Variants in BLTP3B observed in about 807,000 individuals in gnomAD.
BLTP3B encodes bridge-like lipid transfer protein family member 3B, also known as UHRF1 (ICBP90) binding protein 1-like.
chr12:100,059,286 T>G, the BLTP3B span: 1 of 1,614,048 alleles, frequency 6.2e-7, no homozygotes. Context: ...TTTGGTATCT[T>G]GTTCATGAGC....
the BLTP3B span, chr12:100,084,538 T>C: frequency 6.2e-7 from 1 of 1,614,030 alleles, no homozygotes; most frequent in Non-Finnish European, 8.5e-7. Flanking sequence ...TACATTATGA[T>C]CCTTCACAGC....
the BLTP3B span, chr12:100,047,628 G>A: frequency 1.2e-6 from 2 of 1,607,426 alleles, no homozygotes; most frequent in South Asian, 2.2e-5. Flanking sequence ...ACTACTCCGG[G>A]GACTATCATC....
At chr12:100,095,621 A>G in the BLTP3B span, 13 of 1,567,814 alleles carry the variant, frequency 8.3e-6, no homozygotes, top group Non-Finnish European at 1.1e-5. Flanking sequence ...TTTTTAAACT[A>G]TTTTCATGTA....
At chr12:100,113,002 C>T in the BLTP3B span, among the ~76,000 whole-genome samples, 1 of 151,996 alleles carries the variant, frequency 6.6e-6, no homozygotes, top group South Asian at 2.1e-4. Context: ...AAAACCCCAT[C>T]TCTACAAAAA....
the BLTP3B span, among the ~76,000 whole-genome samples, chr12:100,123,179 T>C: frequency 6.9e-6 from 1 of 145,672 alleles, no homozygotes; most frequent in Non-Finnish European, 1.5e-5. Flanking sequence ...ATTAAAGGTA[T>C]TGTACATTCA....
the BLTP3B span, among the ~76,000 whole-genome samples, chr12:100,123,166 G>C: frequency 5.9e-5 from 9 of 152,048 alleles, no homozygotes; most frequent in African/African-American, 2.4e-5. Flanking sequence ...GAGTGTCTGA[G>C]AGATTAAAGG....
At chr12:100,073,245 T>A in the BLTP3B span, among the ~76,000 whole-genome samples, 21 of 152,104 alleles carry the variant, frequency 1.4e-4, no homozygotes, top group African/African-American at 4.8e-4. Flanking sequence ...GTAACAGAGC[T>A]ATATACAGTT....
chr12:100,078,673 G>T, the BLTP3B span, among the ~76,000 whole-genome samples: 1 of 152,108 alleles, frequency 6.6e-6, no homozygotes, highest in Non-Finnish European at 1.5e-5. Flanking sequence ...CATCTATATA[G>T]GGTTCCACAT....
chr12:100,108,372 T>C, the BLTP3B span: 3 of 1,605,230 alleles, frequency 1.9e-6, no homozygotes, highest in Non-Finnish European at 1.7e-6. Context: ...AAGCCACAGA[T>C]ATCAAAGTCT....
the BLTP3B span, among the ~76,000 whole-genome samples, chr12:100,081,978 A>G: frequency 6.6e-6 from 1 of 152,198 alleles, no homozygotes; most frequent in Non-Finnish European, 1.5e-5. Flanking sequence ...ATTCTTTGAG[A>G]AAACTCCAAA....
the BLTP3B span, chr12:100,059,068 A>C: frequency 6.2e-7 from 1 of 1,613,914 alleles, no homozygotes; most frequent in Non-Finnish European, 8.5e-7. Context: ...TCTTTTTGTG[A>C]CTCTGCATAT....
the BLTP3B span, among the ~76,000 whole-genome samples, chr12:100,130,106 C>T: frequency 4.6e-5 from 7 of 152,238 alleles, no homozygotes; most frequent in African/African-American, 1.4e-4. Flanking sequence ...TACAGGCATG[C>T]GCCACTACAC....
the BLTP3B span, among the ~76,000 whole-genome samples, chr12:100,088,205 T>C: frequency 4.6e-5 from 7 of 152,134 alleles, no homozygotes; most frequent in Non-Finnish European, 1.0e-4. Context: ...TGTTTAAAGG[T>C]CTTCAGCCTG....
At chr12:100,093,014 TA>T in the BLTP3B span, 1 of 962,278 alleles carries the variant, frequency 1.0e-6, no homozygotes, top group African/African-American at 1.8e-5. Context: ...TCAACTTACT[TA>T]AAAACTTCCA....
At chr12:100,072,264 A>G in the BLTP3B span, among the ~76,000 whole-genome samples, 1 of 152,172 alleles carries the variant, frequency 6.6e-6, no homozygotes, top group African/African-American at 2.4e-5. Flanking sequence ...TCTGCCTTGA[A>G]AAAAAAACAA....
At chr12:100,059,336 A>G in the BLTP3B span, 1 of 1,614,090 alleles carries the variant, frequency 6.2e-7, no homozygotes, top group South Asian at 1.1e-5. Flanking sequence ...TAAAATTGTC[A>G]CAAGATTTGG....
the BLTP3B span, chr12:100,059,652 C>T: frequency 5.2e-5 from 64 of 1,221,496 alleles, no homozygotes; most frequent in Non-Finnish European, 6.8e-5. Flanking sequence ...ATACTACTTT[C>T]CTATTAAGAC....
At chr12:100,129,453 T>A in the BLTP3B span, among the ~76,000 whole-genome samples, 1 of 152,324 alleles carries the variant, frequency 6.6e-6, no homozygotes, top group Non-Finnish European at 1.5e-5. Flanking sequence ...AACTACTATG[T>A]ACTGCAGTCC....
At chr12:100,089,561 AAAAAAC>A in the BLTP3B span, among the ~76,000 whole-genome samples, 5 of 152,194 alleles carry the variant, frequency 3.3e-5, no homozygotes, top group African/African-American at 9.7e-5. Flanking sequence ...CTCCATCTCA[AAAAAAC>A]AAAAACAAAA....
Sources: gnomAD v4.1 joint callset for allele counts (sites outside exome capture counted in the v4.1 genomes callset) on GRCh38, gnomAD v4.1.1 for gene constraint, MANE v1.5 for transcripts, NCBI Gene and HGNC (gene_info 2026-07-23, HGNC 2026-07-21) for gene names.